GNS: variants seen among roughly 807,000 people sequenced by gnomAD.
GNS encodes N-acetylglucosamine-6-sulfatase.
In GNS, 40 loss-of-function variants were observed where a neutral mutation model predicts 69.7. The ratio of observed to expected loss-of-function variants is 0.57; its 90% CI spans 0.45 to 0.75. The LOEUF (loss-of-function observed/expected upper bound fraction) is 0.75. GNS is among the 30% of genes least tolerant of loss of function. The pLI is 0.00. For synonymous variants in GNS, 243 were observed against 251.6 expected (o/e 0.97, Z 0.32); for missense variants, 565 against 685.5 (o/e 0.82, Z 1.96).
At chr12:64,724,185 T>C (rs1419564921) in intron 10 of GNS, among the ~76,000 whole-genome samples, 1 of 152,178 alleles carries the variant, frequency 6.6e-6, no homozygotes, top group Non-Finnish European at 1.5e-5. Context: ...TTTCCACGCA[T>C]AGTAAAAATC....
At chr12:64,756,699 CTT>C in intron 1 of GNS, 3 of 1,419,034 alleles carry the variant, frequency 2.1e-6, no homozygotes, top group East Asian at 2.5e-5. Flanking sequence ...CTCAAATGCT[CTT>C]GTCCTAGCTC....
At chr12:64,733,472 A>C (rs1565883588) in intron 9 of GNS, among the ~76,000 whole-genome samples, 1 of 152,178 alleles carries the variant, frequency 6.6e-6, no homozygotes, top group Non-Finnish European at 1.5e-5. Flanking sequence ...CCAAACCCTG[A>C]TGTTGAATTT....
At chr12:64,757,645 C>G (rs1321116449) in intron 1 of GNS, among the ~76,000 whole-genome samples, 1 of 152,090 alleles carries the variant, frequency 6.6e-6, no homozygotes. Context: ...TGAGCATCAA[C>G]CTAAGAAATA....
intron 7 of GNS, among the ~76,000 whole-genome samples, chr12:64,740,267 T>C (rs761339509): frequency 2.0e-5 from 3 of 152,216 alleles, no homozygotes; most frequent in Non-Finnish European, 4.4e-5. Context: ...TGTCTAAGCT[T>C]TTGGGTCATT....
At chr12:64,717,699 G>A (rs1265813956) in intron 13 of GNS, among the ~76,000 whole-genome samples, 1 of 151,986 alleles carries the variant, frequency 6.6e-6, no homozygotes, top group African/African-American at 2.4e-5. Context: ...CATGAAGAAG[G>A]AAAAACGAAT....
intron 2 of GNS, among the ~76,000 whole-genome samples, chr12:64,750,042 T>C (rs551261051): frequency 6.6e-6 from 1 of 151,802 alleles, no homozygotes; most frequent in Non-Finnish European, 1.5e-5. Flanking sequence ...CATGCCTCTG[T>C]TTTTGTTGCT....
At chr12:64,751,217 T>C (rs1870067315) in intron 2 of GNS, among the ~76,000 whole-genome samples, 1 of 152,222 alleles carries the variant, frequency 6.6e-6, no homozygotes, top group South Asian at 2.1e-4. Context: ...GAAATAATTA[T>C]GAATGAGATA....
intron 3 of GNS, among the ~76,000 whole-genome samples, chr12:64,746,433 T>G (rs1031267634): frequency 1.4e-4 from 21 of 152,246 alleles, no homozygotes; most frequent in Admixed American, 1.3e-4. Context: ...ATTTTCAGAT[T>G]TGGACTGTTC....
At chr12:64,726,540 C>T (rs1337439260) in intron 10 of GNS, among the ~76,000 whole-genome samples, 1 of 152,114 alleles carries the variant, frequency 6.6e-6, no homozygotes, top group East Asian at 1.9e-4. Context: ...ACCTTCAATT[C>T]TTGGAGTGCA....
chr12:64,756,815 C>T, intron 1 of GNS: 1 of 924,340 alleles, frequency 1.1e-6, no homozygotes, highest in Non-Finnish European at 1.7e-6. Context: ...TGACTTATGC[C>T]CTCCACTCAA....
At chr12:64,727,829 G>A (rs75707511) in intron 10 of GNS, among the ~76,000 whole-genome samples, 1 of 152,132 alleles carries the variant, frequency 6.6e-6, no homozygotes, top group East Asian at 1.9e-4. Flanking sequence ...AATGTGCCTG[G>A]GAGTTTAGGG....
rs1210247666 is a variant in GNS, at chr12:64,732,153, A to ATTTTTTTTTTTTTTTTTTTTTT, written c.1099-3097_1099-3096insAAAAAAAAAAAAAAAAAAAAAA. Among the ~76,000 whole-genome samples, 6 of 88,724 alleles carry ATTTTTTTTTTTTTTTTTTTTTT rather than the reference A, an allele frequency of 6.8e-5. 2 individuals carry two copies. The highest frequency in any genetic ancestry group is 9.6e-5 in the African/African-American group (2 of 20,748). 58.2% of individuals were successfully genotyped at this position (88,724 alleles called of 152,430 possible). A position where few individuals can be genotyped will look rare whatever the true frequency, so the allele number is the denominator to read the frequency against. Reference sequence around the variant, plus strand: ...AGGCACCTGCCACCACACCTGGCTAATTTTTTTTTTTTGTTGTTTTTTTTT... The same window carrying ATTTTTTTTTTTTTTTTTTTTTT: ...AGGCACCTGCCACCACACCTGGCTAATTTTTTTTTTTTTTTTTTTTTTTTTTTTTTTTTTGTTGTTTTTTTTT... On this transcript the variant is annotated intron_variant, in intron 9 of 13. Coordinates refer to ENST00000258145, the MANE Select transcript of GNS (RefSeq NM_002076.4).
At chr12:64,720,507 A>C (rs1868992933) in intron 12 of GNS, among the ~76,000 whole-genome samples, 1 of 152,224 alleles carries the variant, frequency 6.6e-6, no homozygotes, top group South Asian at 2.1e-4. Context: ...ATTAGAACAG[A>C]AAGCAGGAGC....
At chr12:64,739,336 G>A in intron 8 of GNS, 45 bp downstream of exon 8, 1 of 952,042 alleles carries the variant, frequency 1.1e-6, no homozygotes, top group Non-Finnish European at 1.7e-6. Context: ...AAAAAGGAAA[G>A]ACATATTCTC....
chr12:64,759,143 C>G lies in GNS; in HGVS notation c.134G>C (p.Arg45Pro). ...GAGGAGCAGCACCACGTTGGGCCTC[C>G]GGGTTCCCGCAGCCACCCCGAAGAC... Reference protein sequence around the residue: ...LGVFGVAAGTRRPNVVLLLTD... With the variant: ...LGVFGVAAGTPRPNVVLLLTD... The change falls in exon 1 of 14, where the codon CGG becomes CCG. Residue 45 changes from arginine to proline, a missense_variant. Transcript: ENST00000258145. 1 of 1,558,692 alleles carries G rather than the reference C, an allele frequency of 6.4e-7. No homozygotes were observed. The highest frequency in any genetic ancestry group is 1.2e-5 in the South Asian group (1 of 84,660).
At position 64,752,753 on chromosome 12, in the gene GNS, G is replaced by C; in HGVS notation, c.197C>G (p.Pro66Arg). The change falls in exon 2 of 14, where the codon CCG (proline) becomes CGG (arginine). Residue 66 changes from proline (P) to arginine (R), a missense_variant. Physicochemically the swap from Pro to Arg is moderately radical, Grantham distance 103. Coordinates refer to ENST00000258145, the MANE Select transcript of GNS (RefSeq NM_002076.4). ...GATGAGAGCTTTGGTTTTCTTTAGCGGTGTCTGTAAAAGTAAGTAATTATC... is the reference window on the plus strand; with the variant it reads ...GATGAGAGCTTTGGTTTTCTTTAGCCGTGTCTGTAAAAGTAAGTAATTATC... ...DQDEVLGGMTPLKKTKALIGE... is the reference protein window; with the variant it reads ...DQDEVLGGMTRLKKTKALIGE... The C allele has an allele frequency of 2.1e-6, 3 of 1,424,856 alleles. No homozygotes were observed. The highest frequency in any genetic ancestry group is 3.0e-6 in the Non-Finnish European group (3 of 1,010,434). The allele number at this position is 1,424,856 out of a possible 1,614,324, so 88.3% of individuals were successfully genotyped here. A position where few individuals can be genotyped will look rare whatever the true frequency, so the allele number is the denominator to read the frequency against.
intron 6 of GNS, among the ~76,000 whole-genome samples, chr12:64,741,022 T>C (rs1364788138): frequency 2.0e-5 from 3 of 152,124 alleles, no homozygotes; most frequent in Non-Finnish European, 2.9e-5. Context: ...ACAACTCTGA[T>C]CTTATGCCTT....
Position 64,734,938 on chromosome 12 carries a change from TAAAACAAAAACA to T in GNS, c.1098+2054_1098+2065del, listed in dbSNP as rs535748542. ...TAACACGGTGAAACCCCATCTCTAC[TAAAACAAAAACA>T]AAAACAAAAAATTAGCTGGGCATGG... On this transcript the variant is annotated intron_variant, in intron 9 of 13. Coordinates refer to ENST00000258145, the MANE Select transcript of GNS (RefSeq NM_002076.4). Among the ~76,000 whole-genome samples the T allele has an allele frequency of 3.1e-3, 468 of 151,966 alleles. 1 individual carries two copies. The highest frequency in any genetic ancestry group is 3.0e-3 in the Non-Finnish European group (202 of 67,954).
chr12:64,745,799 C>A lies in GNS; in HGVS notation c.460-75G>T. The stretch of plus-strand genomic sequence containing the variant: ...GACCAGAAAGAAACAGGAAATTTTA[C>A]AATCTTTTTAGACCAGTGCCTGAAA... On this transcript the variant is annotated intron_variant, in intron 3 of 13. Coordinates refer to ENST00000258145, the MANE Select transcript of GNS (RefSeq NM_002076.4). The A allele has an allele frequency of 4.2e-6, 4 of 963,408 alleles. No individual in the cohort carries two copies. In the South Asian group the frequency reaches 5.2e-5, roughly 13 times the overall value. 59.7% of individuals were successfully genotyped at this position (963,408 alleles called of 1,614,324 possible).
Sources: allele counts gnomAD v4.1 joint callset (sites outside exome capture counted in the v4.1 genomes callset), GRCh38; gene constraint gnomAD v4.1.1; transcripts MANE v1.5; gene names NCBI Gene and HGNC (gene_info 2026-07-23, HGNC 2026-07-21).